NAA30: variants seen among roughly 807,000 people sequenced by gnomAD.
NAA30 encodes the protein N-alpha-acetyltransferase 30.
A neutral mutation model predicts 31.4 loss-of-function variants in NAA30; 5 were observed. The ratio of observed to expected loss-of-function variants is 0.16; its 90% CI spans 0.08 to 0.33. The LOEUF (loss-of-function observed/expected upper bound fraction) is 0.33. Ranked by LOEUF, NAA30 falls within the 10% of genes least tolerant of loss-of-function variation. NAA30 has a pLI of 1.00. For synonymous variants in NAA30, 222 were observed against 207.1 expected, an observed-to-expected ratio of 1.07 and a Z score of -0.62; for missense variants, 428 against 490.8, an observed-to-expected ratio of 0.87 and a Z score of 1.21.
intron 4 of NAA30, among the ~76,000 whole-genome samples, chr14:57,402,214 C>G (rs538020489): frequency 1.7e-4 from 26 of 152,380 alleles, no homozygotes; most frequent in Non-Finnish European, 3.5e-4. Context: ...CAAATACCAA[C>G]AACTCCTTTA....
intron 2 of NAA30, 88 bp from the exon 3 acceptor site, chr14:57,396,664 T>A: frequency 7.0e-7 from 1 of 1,426,060 alleles, no homozygotes; most frequent in Non-Finnish European, 9.7e-7. Flanking sequence ...TCGAAAATGC[T>A]TACCAATGGT....
In NAA30 at chr14:57,391,973, G is replaced by A. The variant is rs2066430111; in HGVS notation, c.771+245G>A. Among the ~76,000 whole-genome samples, 1 of 151,980 alleles carries A rather than the reference G, an allele frequency of 6.6e-6. No individual in the cohort carries two copies. The highest frequency in any genetic ancestry group is 1.5e-5 in the Non-Finnish European group (1 of 67,902). Reference sequence around the variant, plus strand: ...AGCCTGTATGGTGGCGTGTTTCACTGGGGTGGGGGTCTTGTGTCTTGTTTA... The same window carrying A: ...AGCCTGTATGGTGGCGTGTTTCACTAGGGTGGGGGTCTTGTGTCTTGTTTA... On this transcript the variant is annotated intron_variant, in intron 2 of 4. Transcript: ENST00000556492. This position sits in a 1 kb window ranked among gnomAD's most constrained non-coding sequence, Gnocchi z 4.1.
rs1360684412 is a variant in NAA30 at position 57,391,009 on chromosome 14, C to G, written c.52C>G (p.Pro18Ala). The change falls in exon 2 of 5, where the codon CCG (proline) becomes GCG (alanine). Residue 18 changes from proline (P) to alanine (A), a missense_variant. By Grantham distance (27) the Pro-to-Ala change is conservative. Around this residue, in one of 2 missense-constraint regions of NAA30, gnomAD observed 349 missense variants for 310.4 expected, o/e 1.12. Transcript: ENST00000556492. The surrounding 1 kb of genome is among the most constrained non-coding windows in gnomAD (Gnocchi z 4.1). The stretch of plus-strand genomic sequence containing the variant: ...CAGCCTCCTCCCACCACCAGCACCT[C>G]CGGCCCCGGCGGCGGTCGAGCCCCG... Reference protein sequence around the residue: ...PSSLLPPPAPPAPAAVEPRCP... With the variant: ...PSSLLPPPAPAAPAAVEPRCP... 6.7e-7 allele frequency: 1 copy of G among 1,498,456 alleles called. No individual in the cohort carries two copies. Among genetic ancestry groups the G allele is most frequent in the African/African-American group, 1.5e-5 (1 of 68,294 alleles). The allele number at this position is 1,498,456 out of a possible 1,614,324, so 92.8% of individuals were successfully genotyped here. A position where few individuals can be genotyped will look rare whatever the true frequency, so the allele number is the denominator to read the frequency against.
At position 57,391,123 on chromosome 14, in the gene NAA30, C is replaced by T. The variant is rs779192612; in HGVS notation, c.166C>T (p.Pro56Ser). ...GCACGAAGGCGGCGGCAGCAGGAGC[C>T]CGGCGGGCGGAGAGTCGGCGACGGT... is the stretch of plus-strand genomic sequence containing the variant. ...EEHEGGGSRSPAGGESATVAA... is the reference protein window; with the variant it reads ...EEHEGGGSRSSAGGESATVAA... The change falls in exon 2 of 5, where the codon CCG becomes TCG. Residue 56 changes from proline to serine, a missense_variant. Pro to Ser is a moderately conservative substitution (Grantham distance 74). Around this residue, in one of 2 missense-constraint regions of NAA30, gnomAD observed 349 missense variants for 310.4 expected, o/e 1.12. Coordinates refer to ENST00000556492, the MANE Select transcript of NAA30 (RefSeq NM_001011713.3). This position sits in a 1 kb window ranked among gnomAD's most constrained non-coding sequence, Gnocchi z 4.1. 8.2e-6 allele frequency: 13 copies of T among 1,577,660 alleles called. No homozygotes were observed. The highest frequency in any genetic ancestry group is 1.1e-5 in the Non-Finnish European group (13 of 1,165,424).
At chr14:57,409,250 T>C (rs1214056816) in intron 4 of NAA30, 129 bp from the exon 5 acceptor site, 1 of 762,352 alleles carries the variant, frequency 1.3e-6, no homozygotes, top group African/African-American at 1.8e-5. Context: ...GAGTTCTTTC[T>C]GTATATTATT....
chr14:57,404,961 A>G (rs1190685347), intron 4 of NAA30, among the ~76,000 whole-genome samples: 2 of 152,028 alleles, frequency 1.3e-5, no homozygotes, highest in African/African-American at 2.4e-5. Context: ...TTTTCTTTCC[A>G]TTCTTTTTTT....
intron 4 of NAA30, among the ~76,000 whole-genome samples, chr14:57,402,573 T>G (rs1728964422): frequency 6.6e-6 from 1 of 152,202 alleles, no homozygotes; most frequent in Non-Finnish European, 1.5e-5. Flanking sequence ...TTGTCTTATT[T>G]TTGTTCATAG....
Position 57,391,101 on chromosome 14 carries a change from C to G in NAA30, c.144C>G (p.His48Gln). The G allele has an allele frequency of 1.9e-6, 3 of 1,569,254 alleles. No individual in the cohort carries two copies. Among genetic ancestry groups the G allele is most frequent in the South Asian group, 2.4e-5 (2 of 84,328 alleles). Residue 48 changes from histidine to glutamine, a missense_variant, in exon 2 of 5, where the codon CAC becomes CAG. This residue lies in a region of NAA30 where 349 missense variants were observed against 310.4 expected (regional missense o/e 1.12). Transcript: ENST00000556492. This position sits in a 1 kb window ranked among gnomAD's most constrained non-coding sequence, Gnocchi z 4.1. ...AGGACGAGGAGGACGACGAAGAGCA[C>G]GAAGGCGGCGGCAGCAGGAGCCCGG... is the stretch of plus-strand genomic sequence containing the variant. The part of the protein sequence containing the change: ...CSEDEEDDEE[H>Q]EGGGSRSPAG...
chr14:57,411,887 C>T lies in NAA30; in HGVS notation c.*2371C>T, dbSNP rs1160770241. The T allele has an allele frequency of 1.3e-5, 2 of 152,078 alleles. No individual in the cohort carries two copies. Among genetic ancestry groups the T allele is most frequent in the Non-Finnish European group, 2.9e-5 (2 of 67,976 alleles). 9.4% of individuals were successfully genotyped at this position (152,078 alleles called of 1,614,324 possible). On this transcript the variant is annotated 3_prime_UTR_variant, in exon 5 of 5. Coordinates refer to ENST00000556492, the MANE Select transcript of NAA30 (RefSeq NM_001011713.3). ...TAGGCTGTTGTTTTTCTTAAATAAG[C>T]TTAAAACAATTCTATCTGAAATTGG...
In NAA30 at chr14:57,391,765, G is replaced by A. The variant is rs191622982; in HGVS notation, c.771+37G>A. 2.5e-3 allele frequency: 3,813 copies of A among 1,543,410 alleles called. 10 individuals carry two copies. The highest frequency in any genetic ancestry group is 4.3e-3 in the South Asian group (350 of 81,506). ...GAATAAAAAGAGGGTGAACCCAGCA[G>A]TGATCGAGACTGTGCGGGGCAGGGA... On this transcript the variant is annotated intron_variant, in intron 2 of 4. Transcript: ENST00000556492. This position sits in a 1 kb window ranked among gnomAD's most constrained non-coding sequence, Gnocchi z 4.1.
rs866877463 is a variant in NAA30, at chr14:57,390,804, G to T, written c.-2+99G>T. On this transcript the variant is annotated intron_variant, in intron 1 of 4. Coordinates refer to ENST00000556492, the MANE Select transcript of NAA30 (RefSeq NM_001011713.3). Reference sequence around the variant, plus strand: ...GAGCAGCTGGGCGGCGCTGAAGAGCGGGGGGGTGGCGGGGAATTGGGGGGC... The same window carrying T: ...GAGCAGCTGGGCGGCGCTGAAGAGCTGGGGGGTGGCGGGGAATTGGGGGGC... 4.2e-4 allele frequency: 292 copies of T among 690,676 alleles called. No homozygotes were observed. In the Middle Eastern group the frequency reaches 6.1e-3, roughly 14 times the overall value. 42.8% of individuals were successfully genotyped at this position (690,676 alleles called of 1,614,324 possible).
chr14:57,408,006 G>T (rs140999036), intron 4 of NAA30, among the ~76,000 whole-genome samples: 31 of 152,258 alleles, frequency 2.0e-4, no homozygotes, highest in African/African-American at 7.0e-4. Context: ...TTGGTGTGGT[G>T]GGGGGTGATC....
rs2066522586 is a variant in NAA30 at position 57,411,575 on chromosome 14, A to G, written c.*2059A>G. 1 of 152,162 alleles carries G rather than the reference A, an allele frequency of 6.6e-6. No individual in the cohort carries two copies. The highest frequency in any genetic ancestry group is 6.5e-5 in the Admixed American group (1 of 15,276). The allele number at this position is 152,162 out of a possible 1,614,324, so 9.4% of individuals were successfully genotyped here. A position where few individuals can be genotyped will look rare whatever the true frequency, so the allele number is the denominator to read the frequency against. On this transcript the variant is annotated 3_prime_UTR_variant, in exon 5 of 5. Transcript: ENST00000556492. Reference sequence around the variant, plus strand: ...ATTTTAGTGTTTTTGCCAGATTGTCAATGAAACCATCATACTGACCTTTTC... The same window carrying G: ...ATTTTAGTGTTTTTGCCAGATTGTCGATGAAACCATCATACTGACCTTTTC...
In NAA30 at chr14:57,391,454, G is replaced by A. The variant is rs1364228525; in HGVS notation, c.497G>A (p.Arg166His). 1 of 1,609,778 alleles carries A rather than the reference G, an allele frequency of 6.2e-7. No homozygotes were observed. The highest frequency in any genetic ancestry group is 8.5e-7 in the Non-Finnish European group (1 of 1,178,286). The change falls in exon 2 of 5, where the codon CGC (arginine) becomes CAC (histidine). Residue 166 changes from arginine (R) to histidine (H), a missense_variant. Around this residue, in one of 2 missense-constraint regions of NAA30, gnomAD observed 349 missense variants for 310.4 expected, o/e 1.12. Coordinates refer to ENST00000556492, the MANE Select transcript of NAA30 (RefSeq NM_001011713.3). This position sits in a 1 kb window ranked among gnomAD's most constrained non-coding sequence, Gnocchi z 4.1. ...AAAASDPAAA[R>H]NGLAEGTEQE... The stretch of plus-strand genomic sequence containing the variant: ...GCGGCGAGCGATCCCGCGGCGGCCC[G>A]CAATGGACTGGCCGAGGGCACCGAG...
At chr14:57,401,627 C>G (rs758334975) in intron 4 of NAA30, among the ~76,000 whole-genome samples, 9 of 152,172 alleles carry the variant, frequency 5.9e-5, no homozygotes, top group Non-Finnish European at 5.9e-5. Context: ...ATGTTTTGAT[C>G]TTCTGCAGAT....
rs1420700729 is a variant in NAA30 at position 57,391,318 on chromosome 14, G to T, written c.361G>T (p.Gly121Cys). The T allele has an allele frequency of 6.2e-7, 1 of 1,611,382 alleles. No individual in the cohort carries two copies. Among genetic ancestry groups the T allele is most frequent in the South Asian group, 1.1e-5 (1 of 90,916 alleles). ...CGCGACCACAGCCACCCCTGACGGAGGCCCCAGAGCGACTGCAACAAAAGG... is the reference window on the plus strand; with the variant it reads ...CGCGACCACAGCCACCCCTGACGGATGCCCCAGAGCGACTGCAACAAAAGG... ...VAATTATPDG[G>C]PRATATKGAG... Residue 121 changes from glycine (G) to cysteine (C), a missense_variant, in exon 2 of 5, where the codon GGC becomes TGC. Gly to Cys is a radical substitution (Grantham distance 159). Coordinates refer to ENST00000556492, the MANE Select transcript of NAA30 (RefSeq NM_001011713.3). The surrounding 1 kb of genome is among the most constrained non-coding windows in gnomAD (Gnocchi z 4.1).
chr14:57,396,060 T>G (rs1228759372), intron 2 of NAA30, among the ~76,000 whole-genome samples: 1 of 152,178 alleles, frequency 6.6e-6, no homozygotes, highest in Non-Finnish European at 1.5e-5. Flanking sequence ...CTGTAGCCTC[T>G]CCCTTCCTGG....
In NAA30 at chr14:57,399,849, C is replaced by A; in HGVS notation, c.917C>A (p.Ala306Asp). 6.5e-7 allele frequency: 1 copy of A among 1,544,976 alleles called. No homozygotes were observed. The highest frequency in any genetic ancestry group is 8.9e-7 in the Non-Finnish European group (1 of 1,120,414). The change falls in exon 4 of 5, where the codon GCT (alanine) becomes GAT (aspartate). Residue 306 changes from alanine to aspartate, a missense_variant. Transcript: ENST00000556492. Reference protein sequence around the residue: ...NGIGTNLVKKAIYAMVEGDCD... With the variant: ...NGIGTNLVKKDIYAMVEGDCD... ...CTAGGTACTAACTTGGTTAAGAAAG[C>A]TATATATGCCATGGTTGAGGGAGAC...
chr14:57,402,601 AAAG>A (rs2066481784), intron 4 of NAA30, among the ~76,000 whole-genome samples: 1 of 152,220 alleles, frequency 6.6e-6, no homozygotes, highest in Admixed American at 6.5e-5. Flanking sequence ...TTTTTTAAAA[AAAG>A]GCATCTTTAG....
Sources: gnomAD v4.1 joint callset for allele counts (sites outside exome capture counted in the v4.1 genomes callset) on GRCh38, gnomAD v4.1.1 for gene constraint, gnomAD v4.1.1 regional missense constraint, Gnocchi (gnomAD v3.1) non-coding constraint, MANE v1.5 for transcripts, NCBI Gene and HGNC (gene_info 2026-07-23, HGNC 2026-07-21) for gene names.